Variants in WWC1 observed in about 807,000 individuals in gnomAD.
WWC1 encodes protein KIBRA.
A neutral mutation model predicts 138.4 loss-of-function variants in WWC1; 55 were observed. That is an observed-to-expected ratio of 0.40 (90% confidence interval 0.32 to 0.50). WWC1 has a LOEUF of 0.50. WWC1 is among the 20% of genes least tolerant of loss of function. The pLI is 0.72. For synonymous variants in WWC1, 524 were observed against 564.9 expected (o/e 0.93, Z 1.03); for missense variants, 1,226 against 1,420.4 (o/e 0.86, Z 2.20).
In WWC1 at chr5:168,469,681, A is replaced by G. The variant is rs969962501; in HGVS notation, c.*664A>G. On this transcript the variant is annotated 3_prime_UTR_variant, in exon 23 of 23. Transcript: ENST00000265293. ...CTGGTCTCAGATGCCCAGTGAAGCCACTAACATGAGTGAGGGGAGGGCTGT... is the reference window on the plus strand; with the variant it reads ...CTGGTCTCAGATGCCCAGTGAAGCCGCTAACATGAGTGAGGGGAGGGCTGT... The G allele has an allele frequency of 6.6e-6, 1 of 152,264 alleles. No individual in the cohort carries two copies. The highest frequency in any genetic ancestry group is 1.5e-5 in the Non-Finnish European group (1 of 68,110). 9.4% of individuals were successfully genotyped at this position (152,264 alleles called of 1,614,324 possible). A position where few individuals can be genotyped will look rare whatever the true frequency, so the allele number is the denominator to read the frequency against.
chr5:168,333,157 G>C (rs1365642744), intron 1 of WWC1, among the ~76,000 whole-genome samples: 1 of 152,198 alleles, frequency 6.6e-6, no homozygotes, highest in East Asian at 1.9e-4. Context: ...AAAGCCAACT[G>C]GCATCTGTAG....
chr5:168,468,095 C>T (rs1300125035), intron 22 of WWC1, 131 bp downstream of exon 22: 2 of 1,449,512 alleles, frequency 1.4e-6, no homozygotes, highest in East Asian at 4.7e-5. Flanking sequence ...AGATGTTCAT[C>T]CTCCGCCAAG....
intron 15 of WWC1, among the ~76,000 whole-genome samples, chr5:168,433,968 C>G (rs1020214911): frequency 3.3e-5 from 5 of 152,226 alleles, no homozygotes; most frequent in African/African-American, 4.8e-5. Flanking sequence ...TATTTGAACC[C>G]CAGCAGGTCT....
chr5:168,427,822 A>G (rs1186180605), intron 11 of WWC1, among the ~76,000 whole-genome samples: 1 of 151,956 alleles, frequency 6.6e-6, no homozygotes, highest in Non-Finnish European at 1.5e-5. Context: ...TTAGCTGGGT[A>G]TGGTGGCACA....
rs529789915 is a variant in WWC1 at position 168,292,650 on chromosome 5, C to T, written c.119+379C>T. On this transcript the variant is annotated intron_variant, in intron 1 of 22. Transcript: ENST00000265293. The surrounding 1 kb of genome is among the most constrained non-coding windows in gnomAD (Gnocchi z 4.4). ...CTAGCCGGGTGAAGCCGGGTCTTCC[C>T]GGGGAGGCTTCCACCCAGCGTGGGG... Among the ~76,000 whole-genome samples, 10 of 149,200 alleles carry T rather than the reference C, an allele frequency of 6.7e-5. No homozygotes were observed. Among genetic ancestry groups the T allele is most frequent in the African/African-American group, 2.0e-4 (8 of 40,846 alleles).
At chr5:168,383,655 GA>G (rs1777820497) in intron 2 of WWC1, among the ~76,000 whole-genome samples, 1 of 152,164 alleles carries the variant, frequency 6.6e-6, no homozygotes, top group African/African-American at 2.4e-5. Flanking sequence ...GAATGATCAA[GA>G]AAAGCCATAA....
chr5:168,397,147 CTT>C (rs551091855), intron 3 of WWC1, among the ~76,000 whole-genome samples: 4 of 143,384 alleles, frequency 2.8e-5, no homozygotes, highest in Non-Finnish European at 3.1e-5. Context: ...TTAAATTATT[CTT>C]TTTTTTTTTT....
chr5:168,416,960 C>T (rs1161816161), intron 9 of WWC1, among the ~76,000 whole-genome samples: 3 of 152,068 alleles, frequency 2.0e-5, no homozygotes, highest in East Asian at 1.9e-4. Context: ...TTCCACCTTC[C>T]GAGTTCAAGC....
Position 168,332,698 on chromosome 5 carries a change from TTTTTTC to T in WWC1, c.120-38708_120-38703del, listed in dbSNP as rs1055471587. Among the ~76,000 whole-genome samples the T allele has an allele frequency of 3.1e-4, 47 of 151,574 alleles. 1 individual carries two copies. Among genetic ancestry groups the T allele is most frequent in the African/African-American group, 1.0e-3 (43 of 41,080 alleles). ...GTGGGTTACTTCTGTATGTTTTTGG[TTTTTTC>T]TTTTTCTTTTTCTTTTTTTTTTGTG... On this transcript the variant is annotated intron_variant, in intron 1 of 22. Coordinates refer to ENST00000265293, the MANE Select transcript of WWC1 (RefSeq NM_015238.3).
In WWC1 at chr5:168,292,286, C is replaced by G. The variant is rs1259614741; in HGVS notation, c.119+15C>G. ...CCGCGGGACAGGTAGGACCCTGGAA[C>G]CCTCCTCCGTGCCCCCACACCCCCG... On this transcript the variant is annotated intron_variant, in intron 1 of 22. Coordinates refer to ENST00000265293, the MANE Select transcript of WWC1 (RefSeq NM_015238.3). The surrounding 1 kb of genome is among the most constrained non-coding windows in gnomAD (Gnocchi z 4.4). 2.5e-6 allele frequency: 4 copies of G among 1,585,140 alleles called. No individual in the cohort carries two copies. Among genetic ancestry groups the G allele is most frequent in the Non-Finnish European group, 3.4e-6 (4 of 1,166,764 alleles).
chr5:168,417,764 G>A (rs1231236571), intron 9 of WWC1, among the ~76,000 whole-genome samples: 1 of 152,214 alleles, frequency 6.6e-6, no homozygotes, highest in Non-Finnish European at 1.5e-5. Context: ...GGTGCTTGGG[G>A]CAAATGCAGT....
intron 10 of WWC1, 34 bp from the exon 11 acceptor site, chr5:168,423,499 G>A: frequency 6.3e-7 from 1 of 1,582,402 alleles, no homozygotes; most frequent in Non-Finnish European, 8.6e-7. Flanking sequence ...TTCACTGTGT[G>A]CATCTCACTG....
rs1244975948 is a variant in WWC1 at position 168,469,441 on chromosome 5, GT to G, written c.*425del. The G allele has an allele frequency of 6.0e-6, 1 of 167,468 alleles. No individual in the cohort carries two copies. The highest frequency in any genetic ancestry group is 1.3e-5 in the Non-Finnish European group (1 of 77,156). 10.4% of individuals were successfully genotyped at this position (167,468 alleles called of 1,614,324 possible). A position where few individuals can be genotyped will look rare whatever the true frequency, so the allele number is the denominator to read the frequency against. On this transcript the variant is annotated 3_prime_UTR_variant, in exon 23 of 23. Transcript: ENST00000265293. ...TGGGGGACGGTAATCCTAATAGGAC[GT>G]CCCGCACTTGTCACAGTACAGCTAA... is the stretch of plus-strand genomic sequence containing the variant.
At chr5:168,438,182 A>G (rs1005659680) in intron 15 of WWC1, among the ~76,000 whole-genome samples, 5 of 152,124 alleles carry the variant, frequency 3.3e-5, no homozygotes, top group African/African-American at 4.8e-5. Flanking sequence ...GCTCTCAGAA[A>G]CCACCTTTCA....
chr5:168,374,541 G>GCATA (rs1777026445), intron 2 of WWC1, among the ~76,000 whole-genome samples: 1 of 152,202 alleles, frequency 6.6e-6, no homozygotes, highest in Non-Finnish European at 1.5e-5. Context: ...AGGCAAGTGT[G>GCATA]CATATAACAT....
At position 168,403,006 on chromosome 5, in the gene WWC1, T is replaced by TTTCTTTCTTTCTTTCTTTCTTTC. The variant is rs1779430807; in HGVS notation, c.591-3190_591-3189insCTTTCTTTCTTTCTTTCTTTCTT. On this transcript the variant is annotated intron_variant, in intron 5 of 22. Transcript: ENST00000265293. ...AGCAGCCAAAAGCTCTGTTGTTTCT[T>TTTCTTTCTTTCTTTCTTTCTTTC]TTTCTTTCTTTCTTTCTTTCTTTCT... Among the ~76,000 whole-genome samples, 55 of 105,692 alleles carry TTTCTTTCTTTCTTTCTTTCTTTC rather than the reference T, an allele frequency of 5.2e-4. 2 individuals are homozygous for TTTCTTTCTTTCTTTCTTTCTTTC. The highest frequency in any genetic ancestry group is 4.2e-3 in the South Asian group (12 of 2,878). The allele number at this position is 105,692 out of a possible 152,430, so 69.3% of individuals were successfully genotyped here. A position where few individuals can be genotyped will look rare whatever the true frequency, so the allele number is the denominator to read the frequency against.
chr5:168,339,981 C>CTCTCTCTCTCTTTCTCTCTT (rs1561631023), intron 1 of WWC1, among the ~76,000 whole-genome samples: 9 of 105,550 alleles, frequency 8.5e-5, no homozygotes, highest in African/African-American at 3.0e-4. Context: ...CTCTCTTTCT[C>CTCTCTCTCTCTTTCTCTCTT]TCTTTCTCTC....
At chr5:168,380,031 G>T (rs911153866) in intron 2 of WWC1, among the ~76,000 whole-genome samples, 1 of 152,164 alleles carries the variant, frequency 6.6e-6, no homozygotes, top group Non-Finnish European at 1.5e-5. Context: ...TAAAATCTTT[G>T]TTCCTCAAAA....
intron 8 of WWC1, among the ~76,000 whole-genome samples, chr5:168,411,019 G>A (rs748860167): frequency 1.6e-4 from 23 of 142,286 alleles, no homozygotes; most frequent in Admixed American, 1.3e-3. Context: ...TCCGCCTCCC[G>A]GGTTCACGCC....
Sources: gnomAD v4.1 joint callset for allele counts (sites outside exome capture counted in the v4.1 genomes callset) on GRCh38, gnomAD v4.1.1 for gene constraint, Gnocchi (gnomAD v3.1) non-coding constraint, MANE v1.5 for transcripts, NCBI Gene and HGNC (gene_info 2026-07-23, HGNC 2026-07-21) for gene names.